Variants in GABBR2 observed in about 807,000 individuals in gnomAD.
The protein encoded by GABBR2 is G-protein coupled receptor 51.
In GABBR2, 23 loss-of-function variants were observed where a neutral mutation model predicts 105.6. The ratio of observed to expected loss-of-function variants is 0.22; its 90% CI spans 0.16 to 0.31. GABBR2 has a LOEUF of 0.31. GABBR2 is among the 10% of genes least tolerant of loss of function. The probability of loss-of-function intolerance (pLI) is 1.00; values close to 1 mark genes in which losing one functional copy is unlikely to be tolerated. For missense variants in GABBR2, 734 were observed against 1,245.5 expected, an observed-to-expected ratio of 0.59 and a Z score of 6.18; for synonymous variants, 478 against 499.7, an observed-to-expected ratio of 0.96 and a Z score of 0.58.
At chr9:98,668,302 C>G (rs1347261390) in intron 1 of GABBR2, among the ~76,000 whole-genome samples, 1 of 152,192 alleles carries the variant, frequency 6.6e-6, no homozygotes, top group Non-Finnish European at 1.5e-5. Flanking sequence ...ATTTACCAGT[C>G]TTTGTTTTGG....
At chr9:98,584,893 T>G (rs1588239364) in intron 1 of GABBR2, among the ~76,000 whole-genome samples, 1 of 152,328 alleles carries the variant, frequency 6.6e-6, no homozygotes, top group African/African-American at 2.4e-5. Context: ...GGGGTCTCAC[T>G]CTCTCACTAG....
At chr9:98,376,243 G>A (rs1185625528) in intron 11 of GABBR2, among the ~76,000 whole-genome samples, 1 of 152,230 alleles carries the variant, frequency 6.6e-6, no homozygotes, top group Admixed American at 6.5e-5. Context: ...CTGGGAGGGT[G>A]AAGGGCTTTC....
At chr9:98,581,492 A>AG (rs1347197049) in intron 1 of GABBR2, among the ~76,000 whole-genome samples, 1 of 133,820 alleles carries the variant, frequency 7.5e-6, no homozygotes, top group Non-Finnish European at 1.6e-5. Flanking sequence ...GAGGAAAGGA[A>AG]GGAAGAGAGG....
At chr9:98,677,091 A>G (rs775067724) in intron 1 of GABBR2, among the ~76,000 whole-genome samples, 5 of 152,248 alleles carry the variant, frequency 3.3e-5, no homozygotes, top group Non-Finnish European at 7.3e-5. Flanking sequence ...CAACAGTGGT[A>G]GCACTAAAGA....
chr9:98,659,749 G>A (rs904840616), intron 1 of GABBR2, among the ~76,000 whole-genome samples: 1 of 151,774 alleles, frequency 6.6e-6, no homozygotes, highest in Non-Finnish European at 1.5e-5. Context: ...TTGAACTCCT[G>A]ACCTCAAGTG....
At chr9:98,574,520 C>T (rs1056531470) in intron 2 of GABBR2, among the ~76,000 whole-genome samples, 2 of 152,168 alleles carry the variant, frequency 1.3e-5, no homozygotes, top group Non-Finnish European at 2.9e-5. Context: ...CCAGCTGGGC[C>T]CCAAACACCA....
intron 13 of GABBR2, among the ~76,000 whole-genome samples, chr9:98,329,087 C>A (rs920715547): frequency 1.3e-5 from 2 of 152,154 alleles, no homozygotes; most frequent in Non-Finnish European, 2.9e-5. Flanking sequence ...CCGAGTGAAA[C>A]CCCACGTGGC....
chr9:98,466,749 T>C (rs926482685), intron 6 of GABBR2, among the ~76,000 whole-genome samples: 2 of 152,222 alleles, frequency 1.3e-5, no homozygotes, highest in Non-Finnish European at 2.9e-5. Context: ...GTATTACTCT[T>C]AGGTTCAGCT....
rs578186446 is a variant in GABBR2, at chr9:98,290,991, T to C, written c.2661-242A>G. 8.5e-5 allele frequency among the ~76,000 whole-genome samples: 13 copies of C among 152,246 alleles called. 1 individual carries two copies. The South Asian group carries it at 2.5e-3, about 29-fold the overall frequency. ...ACTTGAATAAACAAGGGAGATGAAT[T>C]TTCTCGAGCTTTGGGCCAGGATTTG... On this transcript the variant is annotated intron_variant, in intron 18 of 18. Transcript: ENST00000259455.
intron 1 of GABBR2, among the ~76,000 whole-genome samples, chr9:98,637,075 T>G (rs1829889184): frequency 6.6e-6 from 1 of 152,158 alleles, no homozygotes; most frequent in African/African-American, 2.4e-5. Context: ...ATCCCAACTT[T>G]GAAGAGCTGC....
At chr9:98,571,481 G>A (rs935155062) in intron 2 of GABBR2, among the ~76,000 whole-genome samples, 1 of 152,170 alleles carries the variant, frequency 6.6e-6, no homozygotes, top group African/African-American at 2.4e-5. Context: ...CAAGTCTCCA[G>A]GGGCCAACAG....
At chr9:98,704,167 G>A (rs760863542) in intron 1 of GABBR2, among the ~76,000 whole-genome samples, 5 of 152,202 alleles carry the variant, frequency 3.3e-5, no homozygotes, top group African/African-American at 4.8e-5. Context: ...CACCTGCTGA[G>A]CTGTACTCAG....
At chr9:98,338,704 T>C (rs1159432897) in intron 13 of GABBR2, among the ~76,000 whole-genome samples, 1 of 152,166 alleles carries the variant, frequency 6.6e-6, no homozygotes, top group Admixed American at 6.5e-5. Context: ...GCAGCTACTG[T>C]GAAAAATTGG....
intron 1 of GABBR2, among the ~76,000 whole-genome samples, chr9:98,702,016 T>C (rs539016489): frequency 6.6e-6 from 1 of 152,248 alleles, no homozygotes; most frequent in African/African-American, 2.4e-5. Flanking sequence ...GATCATCTCA[T>C]TTGTCCCTTA....
At chr9:98,569,282 G>C (rs1347732512) in intron 2 of GABBR2, among the ~76,000 whole-genome samples, 1 of 152,134 alleles carries the variant, frequency 6.6e-6, no homozygotes, top group Non-Finnish European at 1.5e-5. Flanking sequence ...CGGGATTCTG[G>C]CCTGGGTGGG....
At chr9:98,668,040 G>T (rs1483135766) in intron 1 of GABBR2, among the ~76,000 whole-genome samples, 2 of 152,168 alleles carry the variant, frequency 1.3e-5, no homozygotes, top group Admixed American at 6.5e-5. Context: ...ATTTGGGACC[G>T]CCCTGAAGGG....
intron 3 of GABBR2, among the ~76,000 whole-genome samples, chr9:98,534,046 G>T (rs908743989): frequency 1.3e-5 from 2 of 152,362 alleles, no homozygotes; most frequent in South Asian, 2.1e-4. Flanking sequence ...TACTCTGGAA[G>T]AGTAAGCAGC....
At chr9:98,341,830 G>A (rs1831219179) in intron 13 of GABBR2, among the ~76,000 whole-genome samples, 2 of 152,210 alleles carry the variant, frequency 1.3e-5, no homozygotes, top group African/African-American at 4.8e-5. Context: ...AGGTGAGGGT[G>A]TAATATTAAA....
intron 13 of GABBR2, among the ~76,000 whole-genome samples, chr9:98,342,621 C>G (rs1588112454): frequency 6.6e-6 from 1 of 152,336 alleles, no homozygotes; most frequent in Middle Eastern, 3.4e-3. Context: ...TGGTCTGCAT[C>G]TGGCTGGGGC....
Sources: gnomAD v4.1 joint callset for allele counts (sites outside exome capture counted in the v4.1 genomes callset) on GRCh38, gnomAD v4.1.1 for gene constraint, MANE v1.5 for transcripts, NCBI Gene and HGNC (gene_info 2026-07-23, HGNC 2026-07-21) for gene names.